LINGO2: variants seen among roughly 807,000 people sequenced by gnomAD.
LINGO2 encodes leucine rich repeat and Ig domain containing 2, also known as leucine-rich repeat and immunoglobulin-like domain-containing nogo receptor-interacting protein 2.
A neutral mutation model predicts 30.6 loss-of-function variants in LINGO2; 14 were observed. The ratio of observed to expected loss-of-function variants is 0.46; its 90% CI spans 0.30 to 0.72. The LOEUF (loss-of-function observed/expected upper bound fraction) is 0.72. Among genes scored for constraint, LINGO2 ranks in the 30% least tolerant of loss-of-function variants. LINGO2 has a pLI of 0.07. For synonymous variants in LINGO2, 317 were observed against 288.5 expected (o/e 1.10, Z -1.00); for missense variants, 729 against 751.7 (o/e 0.97, Z 0.35).
the LINGO2 span, among the ~76,000 whole-genome samples, chr9:29,205,759 T>C: frequency 1.3e-5 from 2 of 152,180 alleles, no homozygotes; most frequent in African/African-American, 2.4e-5. Context: ...CACCATGAAA[T>C]TTACTCTTTT....
chr9:28,815,602 G>A, the LINGO2 span, among the ~76,000 whole-genome samples: 1 of 152,142 alleles, frequency 6.6e-6, no homozygotes, highest in Non-Finnish European at 1.5e-5. Context: ...GTCATTCTCA[G>A]AAAGATCTTT....
At chr9:29,021,275 G>C in the LINGO2 span, among the ~76,000 whole-genome samples, 7 of 152,148 alleles carry the variant, frequency 4.6e-5, no homozygotes, top group African/African-American at 7.2e-5. Flanking sequence ...AGGGAAGAAG[G>C]GTATTTGAAT....
At chr9:28,155,185 G>A (rs1327389726) in intron 4 of LINGO2, among the ~76,000 whole-genome samples, 1 of 152,186 alleles carries the variant, frequency 6.6e-6, no homozygotes, top group Non-Finnish European at 1.5e-5. Flanking sequence ...TCAATTTACT[G>A]TAAGAATCCA....
intron 4 of LINGO2, among the ~76,000 whole-genome samples, chr9:28,194,695 A>G (rs1211862948): frequency 3.3e-5 from 5 of 152,012 alleles, no homozygotes; most frequent in Non-Finnish European, 7.4e-5. Flanking sequence ...AATCAGGAAA[A>G]GAAAGAAAAA....
intron 3 of LINGO2, among the ~76,000 whole-genome samples, chr9:28,307,397 T>C (rs1388350971): frequency 2.6e-5 from 4 of 152,118 alleles, no homozygotes; most frequent in Non-Finnish European, 5.9e-5. Context: ...TGCTAAAAAC[T>C]CTCAATAAAT....
At chr9:28,918,626 T>C in the LINGO2 span, among the ~76,000 whole-genome samples, 1,726 of 152,278 alleles carry the variant, frequency 0.011, 22 homozygotes, top group Middle Eastern at 0.024. Flanking sequence ...ACAGGATTAT[T>C]TAATTTTAGA....
intron 2 of LINGO2, among the ~76,000 whole-genome samples, chr9:28,387,460 C>A (rs1186549877): frequency 6.6e-6 from 1 of 152,218 alleles, no homozygotes; most frequent in East Asian, 1.9e-4. Context: ...AAGCTGGCCA[C>A]TGGAGCCAGC....
chr9:28,254,962 T>A (rs1212382648), intron 4 of LINGO2, among the ~76,000 whole-genome samples: 1 of 152,064 alleles, frequency 6.6e-6, no homozygotes, highest in Non-Finnish European at 1.5e-5. Context: ...TGCTCCTATG[T>A]GTCCATGTGT....
chr9:29,000,975 T>C, the LINGO2 span, among the ~76,000 whole-genome samples: 4 of 151,958 alleles, frequency 2.6e-5, no homozygotes, highest in Non-Finnish European at 5.9e-5. Flanking sequence ...ATTTTTTATA[T>C]CTCAAAATGA....
At chr9:29,004,897 G>T in the LINGO2 span, among the ~76,000 whole-genome samples, 23 of 151,888 alleles carry the variant, frequency 1.5e-4, no homozygotes, top group Admixed American at 1.5e-3. Context: ...TCTGTATGTG[G>T]TTCAATTTCT....
chr9:28,738,568 T>C, the LINGO2 span, among the ~76,000 whole-genome samples: 1 of 152,048 alleles, frequency 6.6e-6, no homozygotes, highest in Non-Finnish European at 1.5e-5. Flanking sequence ...TATTTCTGCT[T>C]ATAAAATTTG....
intron 5 of LINGO2, among the ~76,000 whole-genome samples, chr9:28,003,510 G>T (rs980313939): frequency 6.6e-6 from 1 of 152,140 alleles, no homozygotes; most frequent in South Asian, 2.1e-4. Flanking sequence ...CCAGGCTGGA[G>T]TACAGTGGCA....
the LINGO2 span, among the ~76,000 whole-genome samples, chr9:28,975,452 A>G: frequency 3.3e-5 from 5 of 152,194 alleles, no homozygotes; most frequent in African/African-American, 7.2e-5. Context: ...AAAGAAGGCT[A>G]CTGGCCTTAA....
intron 1 of LINGO2, among the ~76,000 whole-genome samples, chr9:28,605,291 G>T (rs1825652290): frequency 1.3e-5 from 2 of 151,200 alleles, no homozygotes; most frequent in Admixed American, 1.3e-4. Flanking sequence ...TTTTCATTGT[G>T]GTTACTAGAA....
chr9:28,754,049 C>A, the LINGO2 span, among the ~76,000 whole-genome samples: 1 of 136,654 alleles, frequency 7.3e-6, no homozygotes, highest in South Asian at 2.4e-4. Context: ...CACACACACA[C>A]AATGTTAATA....
intron 1 of LINGO2, among the ~76,000 whole-genome samples, chr9:28,642,991 A>G: frequency 6.6e-6 from 1 of 152,118 alleles, no homozygotes; most frequent in Non-Finnish European, 1.5e-5. Flanking sequence ...AAAAAGTGAA[A>G]TAGCTCAATA....
At chr9:28,888,052 T>C in the LINGO2 span, among the ~76,000 whole-genome samples, 1 of 152,148 alleles carries the variant, frequency 6.6e-6, no homozygotes, top group Non-Finnish European at 1.5e-5. Context: ...TTATCACTAA[T>C]TATTATAGAA....
chr9:29,051,122 T>C, the LINGO2 span, among the ~76,000 whole-genome samples: 2 of 152,166 alleles, frequency 1.3e-5, no homozygotes, highest in African/African-American at 4.8e-5. Flanking sequence ...TCCTTAGGAC[T>C]TATAAACCTA....
At chr9:27,938,377 C>T in the LINGO2 span, 1 of 152,252 alleles carries the variant, frequency 6.6e-6, no homozygotes, top group African/African-American at 2.4e-5. Flanking sequence ...ACTAGGTCCC[C>T]AATTCTATAT....
Sources: gnomAD v4.1 joint callset for allele counts (sites outside exome capture counted in the v4.1 genomes callset) on GRCh38, gnomAD v4.1.1 for gene constraint, MANE v1.5 for transcripts, NCBI Gene and HGNC (gene_info 2026-07-23, HGNC 2026-07-21) for gene names.